Variants in CFAP58 observed in about 807,000 individuals in gnomAD.
CFAP58 encodes the protein cilia and flagella associated protein 58, also known as cilia- and flagella-associated protein 58.
A neutral mutation model predicts 119.5 loss-of-function variants in CFAP58; 88 were observed. The ratio of observed to expected loss-of-function variants is 0.74; its 90% CI spans 0.62 to 0.88. The LOEUF (loss-of-function observed/expected upper bound fraction) is 0.88, where lower values mean the gene tolerates loss of function less well. CFAP58 is among the 40% of genes least tolerant of loss of function. The pLI is 0.00. For synonymous variants in CFAP58, 365 were observed against 366.3 expected (o/e 1.00, Z 0.04); for missense variants, 990 against 1,021.2 (o/e 0.97, Z 0.42).
At chr10:104,453,655 T>C (rs1257817754) in intron 17 of CFAP58, among the ~76,000 whole-genome samples, 1 of 152,186 alleles carries the variant, frequency 6.6e-6, no homozygotes, top group Non-Finnish European at 1.5e-5. Flanking sequence ...AGCAGTTTGC[T>C]TAATTTTTAT....
intron 15 of CFAP58, among the ~76,000 whole-genome samples, chr10:104,410,469 T>C (rs1434283085): frequency 6.6e-6 from 1 of 152,252 alleles, no homozygotes; most frequent in Non-Finnish European, 1.5e-5. Flanking sequence ...TTTGCTTGTC[T>C]AAAAATGTTT....
chr10:104,381,643 C>T (rs1242550358), intron 9 of CFAP58, among the ~76,000 whole-genome samples: 1 of 150,932 alleles, frequency 6.6e-6, no homozygotes, highest in African/African-American at 2.4e-5. Flanking sequence ...AGTGAAATGT[C>T]AAAGAAGGTG....
rs2012063327 is a variant in CFAP58, at chr10:104,392,329, C to T, written c.1462C>T (p.Gln488Ter). The T allele has an allele frequency of 6.2e-7, 1 of 1,612,544 alleles. No homozygotes were observed. The highest frequency in any genetic ancestry group is 1.3e-5 in the African/African-American group (1 of 74,874). ...ATCAGAGATTAAATTAAAACAGCAACAGAACCTATATGAAGCTGTGAGATC... is the reference window on the plus strand; with the variant it reads ...ATCAGAGATTAAATTAAAACAGCAATAGAACCTATATGAAGCTGTGAGATC... ...AESEIKLKQQ[Q>*]NLYEAVRSDR... Residue 488 changes from glutamine to a stop codon, truncating the protein, a stop_gained, in exon 10 of 18, where the codon CAG becomes TAG. Coordinates refer to ENST00000369704, the MANE Select transcript of CFAP58 (RefSeq NM_001008723.2). LOFTEE classifies it high-confidence loss of function.
Position 104,427,197 on chromosome 10 carries a change from T to G in CFAP58, c.2256+20404T>G, listed in dbSNP as rs1253319755. ...GGTCTAATTGACAGTCATTAGGAAC[T>G]TGGCTGGGTTATTAATAGAATTTGA... On this transcript the variant is annotated intron_variant, in intron 15 of 17. Coordinates refer to ENST00000369704, the MANE Select transcript of CFAP58 (RefSeq NM_001008723.2). 1.3e-5 allele frequency among the ~76,000 whole-genome samples: 2 copies of G among 152,228 alleles called. 1 individual carries two copies. The highest frequency in any genetic ancestry group is 4.1e-4 in the South Asian group (2 of 4,826).
At chr10:104,420,460 C>G (rs1375008631) in intron 15 of CFAP58, among the ~76,000 whole-genome samples, 1 of 152,102 alleles carries the variant, frequency 6.6e-6, no homozygotes, top group Non-Finnish European at 1.5e-5. Context: ...TTCTGGAGTC[C>G]AGATCTTCAA....
Position 104,366,000 on chromosome 10 carries a change from G to A in CFAP58, c.784G>A (p.Glu262Lys). Reference protein sequence around the residue: ...ELQKLEQQLKEQKILNERAAK... With the variant: ...ELQKLEQQLKKQKILNERAAK... ...TCAGAAGCTGGAGCAGCAGCTGAAG[G>A]AGCAGAAGGTGAGTTGGGTGTGGGT... Residue 262 changes from glutamate (E) to lysine (K), a missense_variant, in exon 5 of 18, where the codon GAG becomes AAG. By Grantham distance (56) the Glu-to-Lys change is moderately conservative (BLOSUM62 1). Transcript: ENST00000369704. 1 of 1,598,666 alleles carries A rather than the reference G, an allele frequency of 6.3e-7. No homozygotes were observed.
At chr10:104,408,292 C>T (rs1249301680) in intron 15 of CFAP58, among the ~76,000 whole-genome samples, 1 of 152,206 alleles carries the variant, frequency 6.6e-6, no homozygotes, top group African/African-American at 2.4e-5. Context: ...AAGAGAATTA[C>T]ATACATTGTA....
At chr10:104,449,428 C>G (rs964287273) in intron 16 of CFAP58, among the ~76,000 whole-genome samples, 2 of 152,090 alleles carry the variant, frequency 1.3e-5, no homozygotes, top group Non-Finnish European at 2.9e-5. Flanking sequence ...TGCGCTATGT[C>G]CTATGCAGAT....
chr10:104,411,984 C>A (rs1020943533), intron 15 of CFAP58, among the ~76,000 whole-genome samples: 8 of 152,192 alleles, frequency 5.3e-5, no homozygotes, highest in Admixed American at 5.2e-4. Context: ...GCCCTTTGTT[C>A]AGCTATCCCT....
At chr10:104,377,071 G>A (rs1797937791) in intron 8 of CFAP58, among the ~76,000 whole-genome samples, 178 bp downstream of exon 8, 1 of 152,206 alleles carries the variant, frequency 6.6e-6, no homozygotes, top group Admixed American at 6.5e-5. Flanking sequence ...CACTGGCCAT[G>A]AATTGCAATT....
In CFAP58 at chr10:104,364,649, C is replaced by T. The variant is rs1000146957; in HGVS notation, c.441-84C>T. 120 of 1,253,060 alleles carry T rather than the reference C, an allele frequency of 9.6e-5. No individual in the cohort carries two copies. In the South Asian group the frequency reaches 1.4e-3, roughly 14 times the overall value. The allele number at this position is 1,253,060 out of a possible 1,614,324, so 77.6% of individuals were successfully genotyped here. Reference sequence around the variant, plus strand: ...GTTAATCATTGACCTGACATCTTTCCCATGAAAATGAACTCAGAGAATGAT... The same window carrying T: ...GTTAATCATTGACCTGACATCTTTCTCATGAAAATGAACTCAGAGAATGAT... On this transcript the variant is annotated intron_variant, in intron 3 of 17. Coordinates refer to ENST00000369704, the MANE Select transcript of CFAP58 (RefSeq NM_001008723.2).
chr10:104,411,467 T>C (rs183624424), intron 15 of CFAP58, among the ~76,000 whole-genome samples: 32 of 152,290 alleles, frequency 2.1e-4, no homozygotes, highest in South Asian at 2.1e-4. Flanking sequence ...TTCCTGTTTG[T>C]TGTGACTGCT....
intron 9 of CFAP58, among the ~76,000 whole-genome samples, chr10:104,390,472 T>C (rs2012011388): frequency 6.6e-6 from 1 of 152,240 alleles, no homozygotes. Context: ...TGAATAACTT[T>C]GTAAATATTA....
At chr10:104,430,038 A>AGCACAT (rs1392077219) in intron 15 of CFAP58, among the ~76,000 whole-genome samples, 2 of 152,236 alleles carry the variant, frequency 1.3e-5, no homozygotes, top group African/African-American at 4.8e-5. Context: ...ATAGATGGGC[A>AGCACAT]GCACATGAAA....
chr10:104,394,381 C>A (rs1486426249), intron 11 of CFAP58, among the ~76,000 whole-genome samples: 1 of 152,178 alleles, frequency 6.6e-6, no homozygotes, highest in African/African-American at 2.4e-5. Flanking sequence ...AAACTGTTTA[C>A]AACAAATTAG....
At chr10:104,346,154 C>G in the CFAP58 span, among the ~76,000 whole-genome samples, 1 of 151,854 alleles carries the variant, frequency 6.6e-6, no homozygotes, top group African/African-American at 2.4e-5. Context: ...AAAGGATGTG[C>G]CTGACTCCTT....
intron 9 of CFAP58, among the ~76,000 whole-genome samples, chr10:104,384,771 A>G (rs1017015815): frequency 6.6e-6 from 1 of 152,174 alleles, no homozygotes; most frequent in Non-Finnish European, 1.5e-5. Context: ...ATACCTTGAT[A>G]TTTGCCTTGG....
In CFAP58 at chr10:104,358,260, C is replaced by T. The variant is rs2014620730; in HGVS notation, c.10-81C>T. The T allele has an allele frequency of 5.0e-6, 7 of 1,407,288 alleles. No homozygotes were observed. The South Asian group carries it at 1.0e-4, about 20-fold the overall frequency. The allele number at this position is 1,407,288 out of a possible 1,614,324, so 87.2% of individuals were successfully genotyped here. ...TTTGCTCATATGGAGGTGTTTCATT[C>T]AGAGGTAATAGCAGTAATTCCTTGA... On this transcript the variant is annotated intron_variant, in intron 1 of 17. Coordinates refer to ENST00000369704, the MANE Select transcript of CFAP58 (RefSeq NM_001008723.2).
At position 104,392,214 on chromosome 10, in the gene CFAP58, A is replaced by G; in HGVS notation, c.1366-19A>G. ...AGATGGGCTATTTAACCACATTCAT[A>G]TATGTCTTTCTCCTCCAGGTCCTTA... On this transcript the variant is annotated intron_variant, in intron 9 of 17. Transcript: ENST00000369704. 1.9e-6 allele frequency: 3 copies of G among 1,606,172 alleles called. No homozygotes were observed. The highest frequency in any genetic ancestry group is 1.1e-5 in the South Asian group (1 of 89,452).
Sources: gnomAD v4.1 joint callset for allele counts (sites outside exome capture counted in the v4.1 genomes callset) on GRCh38, gnomAD v4.1.1 for gene constraint, MANE v1.5 for transcripts, NCBI Gene and HGNC (gene_info 2026-07-23, HGNC 2026-07-21) for gene names.